SYNPR: variants seen among roughly 807,000 people sequenced by gnomAD.
The protein encoded by SYNPR is synaptoporin.
A neutral mutation model predicts 32.9 loss-of-function variants in SYNPR; 23 were observed. The observed-to-expected ratio is 0.70, with a 90% CI of 0.50 to 0.99. The LOEUF (loss-of-function observed/expected upper bound fraction) is 0.99. Ranked by LOEUF, SYNPR falls within the 50% of genes least tolerant of loss-of-function variation. The pLI, the probability that SYNPR is intolerant of heterozygous loss-of-function variation, is 0.00. For synonymous variants in SYNPR, 146 were observed against 135.9 expected (o/e 1.07, Z -0.52); for missense variants, 318 against 349.3 (o/e 0.91, Z 0.71).
chr3:63,416,023 C>T (rs2088534514), intron 2 of SYNPR, among the ~76,000 whole-genome samples: 1 of 152,284 alleles, frequency 6.6e-6, no homozygotes, highest in African/African-American at 2.4e-5. Context: ...ATTCATCAAC[C>T]CACTGATGAT....
At chr3:63,356,180 T>G (rs2087575523) in intron 2 of SYNPR, among the ~76,000 whole-genome samples, 1 of 152,234 alleles carries the variant, frequency 6.6e-6, no homozygotes, top group Non-Finnish European at 1.5e-5. Flanking sequence ...AGAAGCTCCA[T>G]CAACTTGGCA....
At chr3:63,363,929 GA>G (rs1409782018) in intron 2 of SYNPR, among the ~76,000 whole-genome samples, 1 of 152,112 alleles carries the variant, frequency 6.6e-6, no homozygotes, top group African/African-American at 2.4e-5. Flanking sequence ...TAATGAGGAA[GA>G]ATATTAAGTA....
intron 3 of SYNPR, among the ~76,000 whole-genome samples, chr3:63,548,223 G>A (rs146271414): frequency 1.5e-3 from 233 of 152,194 alleles, no homozygotes; most frequent in African/African-American, 5.3e-3. Flanking sequence ...TGGAAAACGT[G>A]GAAATGAAAT....
chr3:63,500,709 C>T (rs889996386), intron 3 of SYNPR, among the ~76,000 whole-genome samples: 13 of 152,156 alleles, frequency 8.5e-5, no homozygotes, highest in Admixed American at 1.3e-4. Flanking sequence ...CTTCTCAAAA[C>T]TTGTTTTCAC....
chr3:63,506,386 T>C (rs778543215), intron 3 of SYNPR, among the ~76,000 whole-genome samples: 42 of 152,310 alleles, frequency 2.8e-4, no homozygotes, highest in Non-Finnish European at 4.7e-4. Flanking sequence ...ATTTTCCTAA[T>C]GGATTTTCTC....
upstream of SYNPR, among the ~76,000 whole-genome samples, chr3:63,223,953 T>A (rs192120039): frequency 6.6e-6 from 1 of 152,238 alleles, no homozygotes; most frequent in Non-Finnish European, 1.5e-5. Context: ...ATGTATCTTC[T>A]TGTTGCATAA....
At chr3:63,587,890 C>T (rs1036954363) in intron 4 of SYNPR, among the ~76,000 whole-genome samples, 4 of 151,996 alleles carry the variant, frequency 2.6e-5, no homozygotes, top group Non-Finnish European at 4.4e-5. Context: ...GGACTACAGA[C>T]GGGTGCAACT....
intron 1 of SYNPR, among the ~76,000 whole-genome samples, chr3:63,234,347 G>A (rs1358837717): frequency 1.3e-5 from 2 of 152,138 alleles, no homozygotes; most frequent in Non-Finnish European, 2.9e-5. Context: ...AATTCAAGAT[G>A]AGATTTGGGT....
intron 2 of SYNPR, among the ~76,000 whole-genome samples, chr3:63,413,433 A>G (rs1260117967): frequency 3.3e-5 from 5 of 152,230 alleles, no homozygotes; most frequent in Admixed American, 6.5e-5. Flanking sequence ...ATTGAGAAAG[A>G]ATTCTAAAAA....
chr3:63,565,041 G>C (rs747844888), intron 4 of SYNPR, among the ~76,000 whole-genome samples: 7 of 152,154 alleles, frequency 4.6e-5, no homozygotes, highest in Non-Finnish European at 1.0e-4. Flanking sequence ...AGAAAATCAA[G>C]ATCTTGCAGA....
chr3:63,494,321 T>C (rs1395016965), intron 3 of SYNPR, among the ~76,000 whole-genome samples: 1 of 148,292 alleles, frequency 6.7e-6, no homozygotes, highest in Admixed American at 6.8e-5. Context: ...GCTGAAGTGC[T>C]AGTTGCCTTC....
At chr3:63,232,314 G>A (rs533239782) in intron 1 of SYNPR, among the ~76,000 whole-genome samples, 1 of 145,034 alleles carries the variant, frequency 6.9e-6, no homozygotes, top group South Asian at 2.2e-4. Context: ...TGATTCTCGT[G>A]CCTCAGCCTC....
intron 2 of SYNPR, among the ~76,000 whole-genome samples, chr3:63,356,891 T>C (rs1009629107): frequency 2.0e-5 from 3 of 152,196 alleles, no homozygotes; most frequent in Non-Finnish European, 4.4e-5. Flanking sequence ...AGTATTACAA[T>C]ACAGAAGTTA....
chr3:63,519,817 T>G (rs1470697438), intron 3 of SYNPR, among the ~76,000 whole-genome samples: 1 of 152,184 alleles, frequency 6.6e-6, no homozygotes, highest in Non-Finnish European at 1.5e-5. Flanking sequence ...GGCACCTTTA[T>G]TACAAAAAGT....
intron 2 of SYNPR, among the ~76,000 whole-genome samples, chr3:63,443,949 C>T (rs1369004203): frequency 6.6e-6 from 1 of 152,112 alleles, no homozygotes; most frequent in East Asian, 1.9e-4. Context: ...TTTATAAGGT[C>T]TTATAGCAGT....
chr3:63,483,367 A>G (rs1404602649), intron 3 of SYNPR, among the ~76,000 whole-genome samples: 3 of 152,176 alleles, frequency 2.0e-5, no homozygotes, highest in Admixed American at 2.0e-4. Flanking sequence ...GCATGTTAAG[A>G]AAAAATATAA....
intron 2 of SYNPR, among the ~76,000 whole-genome samples, chr3:63,397,728 T>A (rs1469843712): frequency 1.3e-5 from 2 of 152,218 alleles, no homozygotes; most frequent in Non-Finnish European, 2.9e-5. Context: ...ACTAGCTGTA[T>A]GACTTTGAAC....
intron 3 of SYNPR, among the ~76,000 whole-genome samples, chr3:63,531,624 T>C (rs1446862228): frequency 6.6e-6 from 1 of 152,194 alleles, no homozygotes; most frequent in African/African-American, 2.4e-5. Context: ...CAAAAGCTTT[T>C]TGGGAGATGT....
At chr3:63,293,627 T>C (rs1294234554) in intron 2 of SYNPR, among the ~76,000 whole-genome samples, 1 of 152,178 alleles carries the variant, frequency 6.6e-6, no homozygotes, top group Non-Finnish European at 1.5e-5. Flanking sequence ...AAGTCTGAGA[T>C]TAAAGTGCCA....
Sources: gnomAD v4.1 joint callset for allele counts (sites outside exome capture counted in the v4.1 genomes callset) on GRCh38, gnomAD v4.1.1 for gene constraint, MANE v1.5 for transcripts, NCBI Gene and HGNC (gene_info 2026-07-23, HGNC 2026-07-21) for gene names.